Variants in PRDM12 observed in about 807,000 individuals in gnomAD.
PRDM12 encodes PR/SET domain 12.
In PRDM12, 17 loss-of-function variants were observed where a neutral mutation model predicts 29.6. The ratio of observed to expected loss-of-function variants is 0.57; its 90% CI spans 0.39 to 0.86. The LOEUF is 0.86. PRDM12 is among the 40% of genes least tolerant of loss of function. PRDM12 has a pLI of 0.00. For missense variants in PRDM12, 422 were observed against 510.8 expected (o/e 0.83, Z 1.68); for synonymous variants, 231 against 225.8 (o/e 1.02, Z -0.21).
Position 130,668,081 on chromosome 9 carries a change from T to C in PRDM12, c.415-77T>C. ...GGGGCTGTTGTGAGGATGGAGAGTG[T>C]GTGTGTGGATGTGCCTGGAAGATGG... On this transcript the variant is annotated intron_variant, in intron 2 of 4. Coordinates refer to ENST00000253008, the MANE Select transcript of PRDM12 (RefSeq NM_021619.3). The surrounding 1 kb of genome is among the most constrained non-coding windows in gnomAD (Gnocchi z 4.0). The C allele has an allele frequency of 6.6e-7, 1 of 1,506,428 alleles. No homozygotes were observed. 93.3% of individuals were successfully genotyped at this position (1,506,428 alleles called of 1,614,324 possible).
Position 130,666,800 on chromosome 9 carries a change from T to A in PRDM12, c.414+2T>A. The A allele has an allele frequency of 6.3e-7, 1 of 1,599,134 alleles. No individual in the cohort carries two copies. Among genetic ancestry groups the A allele is most frequent in the Non-Finnish European group, 8.5e-7 (1 of 1,171,568 alleles). On this transcript the variant is annotated splice_donor_variant, in intron 2 of 4. Coordinates refer to ENST00000253008, the MANE Select transcript of PRDM12 (RefSeq NM_021619.3). LOFTEE classifies it high-confidence loss of function. The stretch of plus-strand genomic sequence containing the variant: ...AAGAACAACAACCTCATGTGGGAGG[T>A]ACGCGCGGGCTGGGGCAGAGGGGCG...
rs1162256150 is a variant in PRDM12 at position 130,668,265 on chromosome 9, C to A, written c.522C>A (p.Asn174Lys). ...GTGCACGTAACGAACAGGAGCAGAA[C>A]CTGGAGGTGGTCCAGATCGGCACCA... is the stretch of plus-strand genomic sequence containing the variant. ...IKCARNEQEQNLEVVQIGTSI... is the reference protein window; with the variant it reads ...IKCARNEQEQKLEVVQIGTSI... Residue 174 changes from asparagine to lysine, a missense_variant, in exon 3 of 5, where the codon AAC (asparagine) becomes AAA (lysine). Asn to Lys is a moderately conservative substitution (Grantham distance 94). Coordinates refer to ENST00000253008, the MANE Select transcript of PRDM12 (RefSeq NM_021619.3). The surrounding 1 kb of genome is among the most constrained non-coding windows in gnomAD (Gnocchi z 4.0). 6.2e-7 allele frequency: 1 copy of A among 1,614,030 alleles called. No homozygotes were observed. Among genetic ancestry groups the A allele is most frequent in the Non-Finnish European group, 8.5e-7 (1 of 1,180,034 alleles).
chr9:130,675,415 C>A (rs113891704), intron 3 of PRDM12, among the ~76,000 whole-genome samples: 2 of 152,152 alleles, frequency 1.3e-5, no homozygotes, highest in African/African-American at 4.8e-5. Context: ...TCGGAGCATT[C>A]GGGCCCAGCC....
intron 3 of PRDM12, among the ~76,000 whole-genome samples, chr9:130,674,245 C>A (rs1830815241): frequency 6.6e-6 from 1 of 150,938 alleles, no homozygotes; most frequent in African/African-American, 2.4e-5. Flanking sequence ...AAACTCCTGA[C>A]CTCGTTATCT....
At chr9:130,673,483 A>C (rs1830807120) in intron 3 of PRDM12, among the ~76,000 whole-genome samples, 1 of 151,796 alleles carries the variant, frequency 6.6e-6, no homozygotes, top group Non-Finnish European at 1.5e-5. Flanking sequence ...AATATGTGTC[A>C]TTCTCAATTC....
intron 3 of PRDM12, among the ~76,000 whole-genome samples, chr9:130,670,166 C>T (rs73551834): frequency 0.025 from 3,737 of 152,210 alleles, 152 homozygotes; most frequent in African/African-American, 0.082. Context: ...TGCTTCCCAC[C>T]CCACTTCTCT....
intron 3 of PRDM12, among the ~76,000 whole-genome samples, chr9:130,672,995 C>T (rs969996509): frequency 3.3e-5 from 5 of 152,198 alleles, no homozygotes; most frequent in African/African-American, 1.2e-4. Flanking sequence ...AAAAGAGACT[C>T]GGGCGCTGGT....
rs189413981 is a variant in PRDM12 at position 130,677,755 on chromosome 9, C to T, written c.571-774C>T. Among the ~76,000 whole-genome samples, 3 of 152,310 alleles carry T rather than the reference C, an allele frequency of 2.0e-5. No homozygotes were observed. The East Asian group carries it at 5.8e-4, about 29-fold the overall frequency. Reference sequence around the variant, plus strand: ...TGATCAGTGCCACCCCAGAAGCAGGCCCCTTACGCCTCCCTGGATCATCAC... The same window carrying T: ...TGATCAGTGCCACCCCAGAAGCAGGTCCCTTACGCCTCCCTGGATCATCAC... On this transcript the variant is annotated intron_variant, in intron 3 of 4. Coordinates refer to ENST00000253008, the MANE Select transcript of PRDM12 (RefSeq NM_021619.3).
chr9:130,666,571 C>G, intron 1 of PRDM12, 37 bp from the exon 2 acceptor site: 2 of 1,591,568 alleles, frequency 1.3e-6, no homozygotes, highest in South Asian at 1.1e-5. Flanking sequence ...TCGGCTGCCT[C>G]GGGCTCTGAC....
chr9:130,668,065 G>A lies in PRDM12; in HGVS notation c.415-93G>A. 6.9e-7 allele frequency: 1 copy of A among 1,459,508 alleles called. No homozygotes were observed. The highest frequency in any genetic ancestry group is 9.4e-7 in the Non-Finnish European group (1 of 1,059,464). The allele number at this position is 1,459,508 out of a possible 1,614,324, so 90.4% of individuals were successfully genotyped here. ...GCTTTATCCACTTCCTGGGGCTGTT[G>A]TGAGGATGGAGAGTGTGTGTGTGGA... On this transcript the variant is annotated intron_variant, in intron 2 of 4. Transcript: ENST00000253008. The surrounding 1 kb of genome is among the most constrained non-coding windows in gnomAD (Gnocchi z 4.0).
intron 3 of PRDM12, among the ~76,000 whole-genome samples, chr9:130,677,319 G>T (rs1036496802): frequency 2.0e-5 from 3 of 152,220 alleles, no homozygotes; most frequent in Non-Finnish European, 2.9e-5. Context: ...CGTAGTGAAC[G>T]CCAGAGTTCT....
In PRDM12 at chr9:130,679,985, T is replaced by C. The variant is rs1006624783; in HGVS notation, c.683-1263T>C. On this transcript the variant is annotated intron_variant, in intron 4 of 4. Coordinates refer to ENST00000253008, the MANE Select transcript of PRDM12 (RefSeq NM_021619.3). ...GGTCCTTATTTTTGGAGGATGAACC[T>C]GAGCTGGTGAGCTACTGTTTATTAA... is the stretch of plus-strand genomic sequence containing the variant. Among the ~76,000 whole-genome samples the C allele has an allele frequency of 1.9e-4, 29 of 152,156 alleles. 1 individual carries two copies. The highest frequency in any genetic ancestry group is 2.0e-4 in the Admixed American group (3 of 15,278).
rs369395495 is a variant in PRDM12 at position 130,666,720 on chromosome 9, C to A, written c.336C>A (p.Thr112=). Residue 112 remains threonine (T), a synonymous_variant, in exon 2 of 5, where the codon ACC becomes ACA. Coordinates refer to ENST00000253008, the MANE Select transcript of PRDM12 (RefSeq NM_021619.3). ...CCAAGACGTGGATCAAGGCGGGAAC[C>A]GAGATGGGCCCCTTCACCGGCCGCG... is the stretch of plus-strand genomic sequence containing the variant. The part of the protein sequence containing the change: ...IFSKTWIKAG[T]EMGPFTGRVI... The A allele has an allele frequency of 1.0e-4, 167 of 1,613,360 alleles. 3 individuals carry two copies. In the South Asian group the frequency reaches 1.8e-3, roughly 17 times the overall value.
At chr9:130,669,057 T>C (rs1178742821) in intron 3 of PRDM12, among the ~76,000 whole-genome samples, 1 of 152,108 alleles carries the variant, frequency 6.6e-6, no homozygotes, top group African/African-American at 2.4e-5. Flanking sequence ...ATGCCTGTAA[T>C]CCCAGCACTT....
Position 130,681,798 on chromosome 9 carries a change from C to A in PRDM12, c.*129C>A. On this transcript the variant is annotated 3_prime_UTR_variant, in exon 5 of 5. Transcript: ENST00000253008. This position sits in a 1 kb window ranked among gnomAD's most constrained non-coding sequence, Gnocchi z 8.1. ...CGCGGAGCCCCGCGCGCTGGGGTTG[C>A]GCCCCGGAGGCGGATCTCAGGCACC... 2.3e-6 allele frequency: 2 copies of A among 856,138 alleles called. No homozygotes were observed. The highest frequency in any genetic ancestry group is 1.8e-5 in the African/African-American group (1 of 54,542). The allele number at this position is 856,138 out of a possible 1,614,324, so 53.0% of individuals were successfully genotyped here.
rs1413940216 is a variant in PRDM12 at position 130,668,864 on chromosome 9, C to T, written c.570+551C>T. ...TATGGTATTTAATCCCCACGGGGCCCCAGGAGGAGGATTCTGTGATTATTT... is the reference window on the plus strand; with the variant it reads ...TATGGTATTTAATCCCCACGGGGCCTCAGGAGGAGGATTCTGTGATTATTT... On this transcript the variant is annotated intron_variant, in intron 3 of 4. Coordinates refer to ENST00000253008, the MANE Select transcript of PRDM12 (RefSeq NM_021619.3). This position sits in a 1 kb window ranked among gnomAD's most constrained non-coding sequence, Gnocchi z 4.0. Among the ~76,000 whole-genome samples the T allele has an allele frequency of 6.6e-6, 1 of 152,072 alleles. No homozygotes were observed. Among genetic ancestry groups the T allele is most frequent in the African/African-American group, 2.4e-5 (1 of 41,400 alleles).
chr9:130,665,189 T>C (rs1158936685), intron 1 of PRDM12, among the ~76,000 whole-genome samples: 4 of 152,152 alleles, frequency 2.6e-5, no homozygotes, highest in Non-Finnish European at 5.9e-5. Context: ...ACAGCCTTAC[T>C]AGGCGTGTAA....
chr9:130,681,716 C>T lies in PRDM12; in HGVS notation c.*47C>T. The T allele has an allele frequency of 2.0e-6, 2 of 979,522 alleles. No homozygotes were observed. The highest frequency in any genetic ancestry group is 2.4e-6 in the Non-Finnish European group (2 of 826,232). 60.7% of individuals were successfully genotyped at this position (979,522 alleles called of 1,614,324 possible). On this transcript the variant is annotated 3_prime_UTR_variant, in exon 5 of 5. Coordinates refer to ENST00000253008, the MANE Select transcript of PRDM12 (RefSeq NM_021619.3). This position sits in a 1 kb window ranked among gnomAD's most constrained non-coding sequence, Gnocchi z 8.1. The stretch of plus-strand genomic sequence containing the variant: ...GCCCCGCGCGCTCCTGGGTCCCCGG[C>T]ACCCCGGCCCCGCAGCGCGACTCGC...
At chr9:130,680,659 A>ATATATATATTTTTT in intron 4 of PRDM12, among the ~76,000 whole-genome samples, 25 of 72,166 alleles carry the variant, frequency 3.5e-4, no homozygotes, top group African/African-American at 7.0e-4. Context: ...ATATATATAT[A>ATATATATATTTTTT]TTTTTTTTTT....
Sources: gnomAD v4.1 joint callset for allele counts (sites outside exome capture counted in the v4.1 genomes callset) on GRCh38, gnomAD v4.1.1 for gene constraint, Gnocchi (gnomAD v3.1) non-coding constraint, MANE v1.5 for transcripts, NCBI Gene and HGNC (gene_info 2026-07-23, HGNC 2026-07-21) for gene names.